Variants in LANCL2 observed in about 807,000 individuals in gnomAD.
The protein encoded by LANCL2 is lanC-like protein 2.
LANCL2 carries 33 observed loss-of-function variants against 56.9 expected under a neutral mutation model. The ratio of observed to expected loss-of-function variants is 0.58; its 90% confidence interval spans 0.44 to 0.78. The LOEUF (loss-of-function observed/expected upper bound fraction) is 0.78, where lower values mean the gene tolerates loss of function less well. Ranked by LOEUF, LANCL2 falls within the 30% of genes least tolerant of loss-of-function variation. The probability of loss-of-function intolerance (pLI) is 0.00; values close to 1 mark genes in which losing one functional copy is unlikely to be tolerated. For missense variants in LANCL2, 562 were observed against 580.2 expected (o/e 0.97, Z 0.32); for synonymous variants, 233 against 228.2 (o/e 1.02, Z -0.19).
At chr7:55,425,151 T>G in intron 6 of LANCL2, 103 bp from the exon 7 acceptor site, 2 of 1,173,344 alleles carry the variant, frequency 1.7e-6, no homozygotes, top group Non-Finnish European at 2.4e-6. Flanking sequence ...GCCATTTCAG[T>G]TTTCCTAATA....
chr7:55,376,081 C>G (rs1789996922), intron 1 of LANCL2, among the ~76,000 whole-genome samples: 1 of 152,122 alleles, frequency 6.6e-6, no homozygotes, highest in African/African-American at 2.4e-5. Context: ...GGTCTGTGAC[C>G]TGTTTCAGGT....
intron 1 of LANCL2, among the ~76,000 whole-genome samples, chr7:55,372,148 T>C (rs1313772731): frequency 6.6e-6 from 1 of 152,230 alleles, no homozygotes; most frequent in African/African-American, 2.4e-5. Context: ...AATTTTCTTT[T>C]AATATGAACT....
At chr7:55,376,603 G>T (rs755253333) in intron 1 of LANCL2, among the ~76,000 whole-genome samples, 22 of 152,226 alleles carry the variant, frequency 1.4e-4, no homozygotes, top group Admixed American at 2.6e-4. Context: ...GCCTCTGTGA[G>T]TGGGCATCTG....
chr7:55,384,586 T>C (rs1790104819), intron 1 of LANCL2, among the ~76,000 whole-genome samples: 2 of 151,768 alleles, frequency 1.3e-5, no homozygotes, highest in African/African-American at 2.4e-5. Context: ...AAGAAATTTA[T>C]AGATGCAGAA....
chr7:55,428,497 C>G, intron 8 of LANCL2, 50 bp downstream of exon 8: 2 of 1,477,530 alleles, frequency 1.4e-6, no homozygotes, highest in Non-Finnish European at 1.9e-6. Flanking sequence ...GAAATTGGTT[C>G]TCCTGCCCTT....
intron 1 of LANCL2, among the ~76,000 whole-genome samples, chr7:55,387,562 T>C (rs1218534535): frequency 6.6e-6 from 1 of 151,538 alleles, no homozygotes; most frequent in Admixed American, 6.6e-5. Flanking sequence ...TTTAGAAACT[T>C]TTATAAAATT....
chr7:55,429,202 T>C (rs972583415), intron 8 of LANCL2, among the ~76,000 whole-genome samples: 2 of 152,230 alleles, frequency 1.3e-5, no homozygotes, highest in African/African-American at 4.8e-5. Context: ...AAGTATCTTC[T>C]TCTCTTCTGT....
intron 2 of LANCL2, among the ~76,000 whole-genome samples, chr7:55,395,501 A>G (rs1450592936): frequency 6.6e-6 from 1 of 152,226 alleles, no homozygotes; most frequent in Non-Finnish European, 1.5e-5. Context: ...AAGGAGCCAA[A>G]GAAAGAGCTG....
chr7:55,395,619 A>G (rs1790241363), intron 2 of LANCL2, among the ~76,000 whole-genome samples: 1 of 152,190 alleles, frequency 6.6e-6, no homozygotes, highest in Admixed American at 6.5e-5. Flanking sequence ...AAAAAAATCA[A>G]AGAGAAAGAA....
intron 1 of LANCL2, among the ~76,000 whole-genome samples, chr7:55,378,904 A>T (rs1790033189): frequency 6.6e-6 from 1 of 152,198 alleles, no homozygotes; most frequent in Non-Finnish European, 1.5e-5. Context: ...AGGCCGAGGC[A>T]GGCGGATCAC....
Position 55,395,370 on chromosome 7 carries a change from G to A in LANCL2, c.323-3053G>A, listed in dbSNP as rs191189668. On this transcript the variant is annotated intron_variant, in intron 2 of 8. Coordinates refer to ENST00000254770, the MANE Select transcript of LANCL2 (RefSeq NM_018697.4). ...TAAGCAGTGAGTTCACAAAGCGGAG[G>A]TAAAGACATTCAGAGCAGAGATGGC... Among the ~76,000 whole-genome samples, 9 of 152,220 alleles carry A rather than the reference G, an allele frequency of 5.9e-5. No individual in the cohort carries two copies. The East Asian group carries it at 1.7e-3, about 29-fold the overall frequency.
intron 6 of LANCL2, among the ~76,000 whole-genome samples, chr7:55,415,526 T>C (rs1439271393): frequency 6.6e-6 from 1 of 152,192 alleles, no homozygotes; most frequent in African/African-American, 2.4e-5. Context: ...TTTTTTAAGC[T>C]ATACTTTTTT....
intron 6 of LANCL2, among the ~76,000 whole-genome samples, chr7:55,413,287 C>A (rs1439173597): frequency 6.6e-6 from 1 of 152,196 alleles, no homozygotes; most frequent in Non-Finnish European, 1.5e-5. Context: ...AAATGTCCAA[C>A]AATAACGTGT....
chr7:55,428,968 C>T (rs1036921334), intron 8 of LANCL2, among the ~76,000 whole-genome samples: 1 of 152,132 alleles, frequency 6.6e-6, no homozygotes, highest in Non-Finnish European at 1.5e-5. Flanking sequence ...CCACCACGGG[C>T]GCAGGGAAGG....
chr7:55,370,404 A>G (rs1789930007), intron 1 of LANCL2, among the ~76,000 whole-genome samples: 1 of 152,218 alleles, frequency 6.6e-6, no homozygotes, highest in African/African-American at 2.4e-5. Context: ...GCTCAAGTGG[A>G]GGGGTTATAC....
intron 7 of LANCL2, chr7:55,428,114 G>A: frequency 1.8e-6 from 1 of 541,532 alleles, no homozygotes; most frequent in South Asian, 2.4e-5. Flanking sequence ...AGAACAGAGT[G>A]TCGTTGAGCC....
intron 1 of LANCL2, among the ~76,000 whole-genome samples, chr7:55,374,271 C>G (rs1270298523): frequency 6.6e-6 from 1 of 152,144 alleles, no homozygotes; most frequent in East Asian, 1.9e-4. Context: ...TTATGATACA[C>G]ATCAAAATTG....
intron 5 of LANCL2, among the ~76,000 whole-genome samples, chr7:55,409,888 C>G (rs963070463): frequency 6.6e-6 from 1 of 152,218 alleles, no homozygotes; most frequent in Non-Finnish European, 1.5e-5. Flanking sequence ...ATCTGTAATT[C>G]AGTGTATTTC....
intron 7 of LANCL2, 119 bp from the exon 8 acceptor site, chr7:55,428,256 T>A (rs574908198): frequency 9.9e-5 from 85 of 858,754 alleles, no homozygotes; most frequent in Non-Finnish European, 1.5e-4. Flanking sequence ...GAGCCCACGC[T>A]GAATGCCCTA....
Sources: allele counts gnomAD v4.1 joint callset (sites outside exome capture counted in the v4.1 genomes callset), GRCh38; gene constraint gnomAD v4.1.1; transcripts MANE v1.5; gene names NCBI Gene and HGNC (gene_info 2026-07-23, HGNC 2026-07-21).